The following RPS6KC1 variants were observed in gnomAD, a reference collection of about 807,000 sequenced individuals.
The protein encoded by RPS6KC1 is inactive ribosomal protein S6 kinase delta-1.
A neutral mutation model predicts 103.8 loss-of-function variants in RPS6KC1; 54 were observed. That is an observed-to-expected ratio of 0.52 (90% CI 0.42 to 0.65). The LOEUF (loss-of-function observed/expected upper bound fraction) is 0.65, where lower values mean the gene tolerates loss of function less well. RPS6KC1 is among the 30% of genes least tolerant of loss of function. The pLI, the probability that RPS6KC1 is intolerant of heterozygous loss-of-function variation, is 0.00. For missense variants in RPS6KC1, 1,151 were observed against 1,253.8 expected (o/e 0.92, Z 1.24); for synonymous variants, 439 against 438.7 (o/e 1.00, Z -0.01).
chr1:213,406,884 C>G, the RPS6KC1 span, among the ~76,000 whole-genome samples: 696 of 152,270 alleles, frequency 4.6e-3, 2 homozygotes, highest in African/African-American at 0.016. Context: ...GCATGATTAT[C>G]GTCATTTTAC....
the RPS6KC1 span, among the ~76,000 whole-genome samples, chr1:213,545,032 C>A: frequency 1.3e-5 from 2 of 152,064 alleles, no homozygotes; most frequent in African/African-American, 4.8e-5. Context: ...ACTTCAAGGT[C>A]AAGGTGTCTA....
the RPS6KC1 span, among the ~76,000 whole-genome samples, chr1:213,495,739 CATT>C: frequency 6.6e-6 from 1 of 152,200 alleles, no homozygotes; most frequent in Non-Finnish European, 1.5e-5. Flanking sequence ...TTCTCCTAAT[CATT>C]ATTCTCTACT....
chr1:213,828,740 C>T, the RPS6KC1 span, among the ~76,000 whole-genome samples: 1 of 152,112 alleles, frequency 6.6e-6, no homozygotes, highest in East Asian at 1.9e-4. Context: ...AGACACTTGC[C>T]CGAAGTCACA....
intron 8 of RPS6KC1, among the ~76,000 whole-genome samples, chr1:213,222,077 A>G (rs748718620): frequency 1.3e-5 from 2 of 152,212 alleles, no homozygotes; most frequent in Non-Finnish European, 2.9e-5. Flanking sequence ...GCAGAAATTG[A>G]TGCAGCGACT....
At chr1:213,185,704 G>A (rs2092492973) in intron 8 of RPS6KC1, among the ~76,000 whole-genome samples, 1 of 151,636 alleles carries the variant, frequency 6.6e-6, no homozygotes, top group Non-Finnish European at 1.5e-5. Context: ...TGATAAGTAA[G>A]GACTTACTTT....
At chr1:213,369,393 A>G in the RPS6KC1 span, among the ~76,000 whole-genome samples, 425 of 152,354 alleles carry the variant, frequency 2.8e-3, 2 homozygotes, top group Non-Finnish European at 4.5e-3. Flanking sequence ...AGAATATTCT[A>G]GCCCCTGACA....
the RPS6KC1 span, among the ~76,000 whole-genome samples, chr1:213,319,649 A>C: frequency 6.6e-6 from 1 of 152,224 alleles, no homozygotes; most frequent in Non-Finnish European, 1.5e-5. Context: ...ATTTCAGTTC[A>C]TAATAACTGA....
chr1:213,587,707 A>G, the RPS6KC1 span, among the ~76,000 whole-genome samples: 1 of 152,208 alleles, frequency 6.6e-6, no homozygotes, highest in African/African-American at 2.4e-5. Flanking sequence ...GCCTGAGAAT[A>G]TTATCCCTGA....
the RPS6KC1 span, among the ~76,000 whole-genome samples, chr1:213,528,686 A>C: frequency 6.6e-6 from 1 of 151,888 alleles, no homozygotes; most frequent in African/African-American, 2.4e-5. Flanking sequence ...GAGGATGTTG[A>C]TTTAATGTCA....
chr1:213,066,561 C>G (rs1313158385), intron 1 of RPS6KC1, among the ~76,000 whole-genome samples: 4 of 152,116 alleles, frequency 2.6e-5, no homozygotes, highest in African/African-American at 9.7e-5. Flanking sequence ...ACCAAAACAC[C>G]AGGGGTTCCG....
the RPS6KC1 span, among the ~76,000 whole-genome samples, chr1:213,430,365 G>A: frequency 6.6e-6 from 1 of 152,132 alleles, no homozygotes; most frequent in African/African-American, 2.4e-5. Flanking sequence ...TTTCTTCAGG[G>A]TGCAATTTCA....
the RPS6KC1 span, among the ~76,000 whole-genome samples, chr1:213,353,145 G>T: frequency 1.3e-5 from 2 of 152,190 alleles, no homozygotes; most frequent in African/African-American, 4.8e-5. Flanking sequence ...CAGTTCAGCA[G>T]GGCAAGGATC....
At position 213,084,464 on chromosome 1, in the gene RPS6KC1, T is replaced by C. The variant is rs145303747; in HGVS notation, c.262+6648T>C. ...TTTTTTAATGAGCTATTCCAAATTA[T>C]ATTCCAAATTTCATGTCCCTTTACT... is the stretch of plus-strand genomic sequence containing the variant. On this transcript the variant is annotated intron_variant, in intron 3 of 14. Coordinates refer to ENST00000366960, the MANE Select transcript of RPS6KC1 (RefSeq NM_012424.6). 3.2e-3 allele frequency among the ~76,000 whole-genome samples: 487 copies of C among 152,274 alleles called. 4 individuals carry two copies. The highest frequency in any genetic ancestry group is 0.012 in the South Asian group (57 of 4,826).
At chr1:213,404,411 G>A in the RPS6KC1 span, among the ~76,000 whole-genome samples, 1 of 152,212 alleles carries the variant, frequency 6.6e-6, no homozygotes, top group Non-Finnish European at 1.5e-5. Context: ...TTCAGTGAGA[G>A]ATAATTACCA....
the RPS6KC1 span, among the ~76,000 whole-genome samples, chr1:213,567,828 T>G: frequency 6.6e-6 from 1 of 152,256 alleles, no homozygotes; most frequent in South Asian, 2.1e-4. Context: ...TATAGGCTTT[T>G]GTTCCCTTGT....
the RPS6KC1 span, among the ~76,000 whole-genome samples, chr1:213,473,014 A>T: frequency 9.2e-5 from 14 of 152,328 alleles, no homozygotes; most frequent in Admixed American, 3.3e-4. Context: ...TATTCCAATG[A>T]ACTGTGCTTT....
At chr1:213,317,218 T>G in the RPS6KC1 span, among the ~76,000 whole-genome samples, 1 of 152,228 alleles carries the variant, frequency 6.6e-6, no homozygotes, top group Non-Finnish European at 1.5e-5. Context: ...GTTCTCTGAT[T>G]CATTGCTTGC....
the RPS6KC1 span, among the ~76,000 whole-genome samples, chr1:213,378,637 T>TG: frequency 6.6e-6 from 1 of 152,228 alleles, no homozygotes; most frequent in African/African-American, 2.4e-5. Flanking sequence ...AATAAATAAA[T>TG]GATGGATACA....
At chr1:213,204,345 T>C (rs905254073) in intron 8 of RPS6KC1, among the ~76,000 whole-genome samples, 3 of 152,224 alleles carry the variant, frequency 2.0e-5, no homozygotes, top group Admixed American at 6.5e-5. Context: ...CTTTTATCTT[T>C]TTATGATTTT....
Sources: allele counts gnomAD v4.1 joint callset (sites outside exome capture counted in the v4.1 genomes callset), GRCh38; gene constraint gnomAD v4.1.1; transcripts MANE v1.5; gene names NCBI Gene and HGNC (gene_info 2026-07-23, HGNC 2026-07-21).